The following VPS8 variants were observed in gnomAD, a reference collection of about 807,000 sequenced individuals.
VPS8 encodes vacuolar protein sorting-associated protein 8 homolog.
VPS8 carries 129 observed loss-of-function variants against 216.4 expected under a neutral mutation model. The ratio of observed to expected loss-of-function variants is 0.60; its 90% CI spans 0.52 to 0.69. The LOEUF is 0.69. Among genes scored for constraint, VPS8 ranks in the 30% least tolerant of loss-of-function variants. VPS8 has a pLI of 0.00. For synonymous variants in VPS8, 571 were observed against 565.4 expected (o/e 1.01, Z -0.14); for missense variants, 1,531 against 1,683.5 (o/e 0.91, Z 1.59).
intron 45 of VPS8, among the ~76,000 whole-genome samples, chr3:185,012,956 T>TA (rs1277804829): frequency 6.6e-6 from 1 of 151,330 alleles, no homozygotes; most frequent in Non-Finnish European, 1.5e-5. Flanking sequence ...ATAGATTAGC[T>TA]AAAAGCATTT....
intron 21 of VPS8, among the ~76,000 whole-genome samples, chr3:184,878,617 A>T (rs1729708633): frequency 6.6e-6 from 1 of 152,186 alleles, no homozygotes; most frequent in South Asian, 2.1e-4. Context: ...TGTCTAACCC[A>T]TACCTCCTCT....
At chr3:184,955,838 T>C (rs1745495372) in intron 36 of VPS8, among the ~76,000 whole-genome samples, 2 of 152,110 alleles carry the variant, frequency 1.3e-5, no homozygotes, top group South Asian at 4.2e-4. Flanking sequence ...CCATGGACTT[T>C]ACAATGTGGT....
At chr3:184,988,409 A>G (rs1282493588) in intron 42 of VPS8, among the ~76,000 whole-genome samples, 1 of 152,202 alleles carries the variant, frequency 6.6e-6, no homozygotes, top group Non-Finnish European at 1.5e-5. Flanking sequence ...ACTAGTTCCA[A>G]CACTGCTTGT....
At chr3:184,917,404 T>TCTTC (rs756254380) in intron 28 of VPS8, among the ~76,000 whole-genome samples, 18 of 152,148 alleles carry the variant, frequency 1.2e-4, no homozygotes, top group Non-Finnish European at 1.6e-4. Context: ...TTCCTTCTTT[T>TCTTC]CTTCCTTCCT....
chr3:184,854,061 C>G, intron 12 of VPS8, 51 bp downstream of exon 12: 1 of 1,612,108 alleles, frequency 6.2e-7, no homozygotes, highest in Non-Finnish European at 8.5e-7. Context: ...CTTTGAATAC[C>G]AAATATTTGA....
intron 45 of VPS8, among the ~76,000 whole-genome samples, chr3:185,010,589 T>C (rs2109989696): frequency 6.6e-6 from 1 of 152,128 alleles, no homozygotes; most frequent in East Asian, 1.9e-4. Flanking sequence ...CTACAATGTC[T>C]GAGATGAAGA....
At chr3:184,849,238 CAA>C in intron 9 of VPS8, 43 bp downstream of exon 9, 1 of 1,586,948 alleles carries the variant, frequency 6.3e-7, no homozygotes, top group South Asian at 1.1e-5. Context: ...AATGTTAAAA[CAA>C]GATGAATTTA....
chr3:184,869,070 G>A (rs202132779), intron 19 of VPS8, 34 bp downstream of exon 19: 79 of 1,570,310 alleles, frequency 5.0e-5, no homozygotes, highest in Non-Finnish European at 6.6e-5. Context: ...AGTAGACGTG[G>A]TTCTCCTGGA....
chr3:184,827,532 C>G (rs757224098), intron 3 of VPS8, among the ~76,000 whole-genome samples: 7 of 152,044 alleles, frequency 4.6e-5, no homozygotes, highest in Admixed American at 6.5e-5. Context: ...GTTAAAATGG[C>G]CTTAATTGCA....
chr3:184,887,740 C>T (rs1209911718), intron 22 of VPS8, among the ~76,000 whole-genome samples: 1 of 152,130 alleles, frequency 6.6e-6, no homozygotes, highest in East Asian at 1.9e-4. Flanking sequence ...TGCAGCATGA[C>T]TTGGTTCATG....
chr3:184,854,771 G>A (rs1724938050), intron 13 of VPS8, among the ~76,000 whole-genome samples: 1 of 152,098 alleles, frequency 6.6e-6, no homozygotes, highest in South Asian at 2.1e-4. Context: ...GCTTTCCCTG[G>A]CTTCTGCCTC....
intron 40 of VPS8, among the ~76,000 whole-genome samples, chr3:184,977,847 T>C (rs910989201): frequency 5.3e-5 from 8 of 151,122 alleles, no homozygotes; most frequent in African/African-American, 1.7e-4. Context: ...TTTGCATGTA[T>C]GTTCATCAGG....
At chr3:184,961,747 T>C (rs1746552660) in intron 37 of VPS8, among the ~76,000 whole-genome samples, 1 of 151,570 alleles carries the variant, frequency 6.6e-6, no homozygotes, top group Non-Finnish European at 1.5e-5. Flanking sequence ...CCAATTTTTT[T>C]GTTTTTGTTT....
intron 28 of VPS8, among the ~76,000 whole-genome samples, chr3:184,919,536 A>G (rs1387190692): frequency 6.6e-6 from 1 of 152,182 alleles, no homozygotes; most frequent in Non-Finnish European, 1.5e-5. Context: ...GTTATGTTCA[A>G]AGTATTTTGG....
intron 16 of VPS8, among the ~76,000 whole-genome samples, chr3:184,863,493 G>A (rs1577959834): frequency 6.6e-6 from 1 of 152,156 alleles, no homozygotes; most frequent in Non-Finnish European, 1.5e-5. Flanking sequence ...AATGGTAAAG[G>A]CTTGAACAGG....
At chr3:184,933,527 T>TTGTGTGTGTG (rs35601004) in intron 34 of VPS8, among the ~76,000 whole-genome samples, 44 of 150,168 alleles carry the variant, frequency 2.9e-4, no homozygotes, top group Middle Eastern at 3.4e-3. Flanking sequence ...CTTTCGATCT[T>TTGTGTGTGTG]TGTGTGTGTG....
intron 1 of VPS8, among the ~76,000 whole-genome samples, chr3:184,823,314 G>C (rs1294133334): frequency 6.6e-6 from 1 of 152,196 alleles, no homozygotes; most frequent in African/African-American, 2.4e-5. Context: ...AGAGTTGGAG[G>C]CCACGTTGAC....
At chr3:185,024,284 A>C in intron 45 of VPS8, 52 bp from the exon 46 acceptor site, 1 of 1,511,980 alleles carries the variant, frequency 6.6e-7, no homozygotes, top group Non-Finnish European at 9.0e-7. Flanking sequence ...TGGGTCAGAC[A>C]AAACTAGACT....
chr3:184,884,237 G>T (rs1373930358), intron 21 of VPS8, among the ~76,000 whole-genome samples: 2 of 151,232 alleles, frequency 1.3e-5, no homozygotes, highest in Non-Finnish European at 2.9e-5. Context: ...CCGACCCGCC[G>T]ACAGACCCTG....
Sources: gnomAD v4.1 joint callset for allele counts (sites outside exome capture counted in the v4.1 genomes callset) on GRCh38, gnomAD v4.1.1 for gene constraint, MANE v1.5 for transcripts, NCBI Gene and HGNC (gene_info 2026-07-23, HGNC 2026-07-21) for gene names.